The following C10orf67 variants were observed in gnomAD, a reference collection of about 807,000 sequenced individuals.
C10orf67 encodes uncharacterized protein C10orf67, mitochondrial.
In C10orf67, 60 loss-of-function variants were observed where a neutral mutation model predicts 35.6. The ratio of observed to expected loss-of-function variants is 1.68; its 90% CI spans 1.37 to 2.09. C10orf67 has a LOEUF of 2.09. Among genes scored for constraint, C10orf67 ranks in the 30% most tolerant of loss-of-function variants. The probability of loss-of-function intolerance (pLI) is 0.00; values close to 1 mark genes in which losing one functional copy is unlikely to be tolerated. For synonymous variants in C10orf67, 167 were observed against 115.8 expected, an observed-to-expected ratio of 1.44 and a Z score of -2.84; for missense variants, 474 against 330.2, an observed-to-expected ratio of 1.44 and a Z score of -3.38.
At chr10:23,228,410 C>T (rs1417335974) in intron 13 of C10orf67, among the ~76,000 whole-genome samples, 1 of 152,116 alleles carries the variant, frequency 6.6e-6, no homozygotes. Flanking sequence ...AAACTGGATC[C>T]CTTCCTTAAC....
intron 4 of C10orf67, among the ~76,000 whole-genome samples, chr10:23,305,932 C>A (rs77192694): frequency 0.022 from 3,352 of 152,032 alleles, 49 homozygotes; most frequent in Admixed American, 0.034. Flanking sequence ...CCTAAATATC[C>A]ATCAACAGAT....
At chr10:23,320,240 T>G (rs1297811468) in intron 4 of C10orf67, among the ~76,000 whole-genome samples, 1 of 152,138 alleles carries the variant, frequency 6.6e-6, no homozygotes, top group African/African-American at 2.4e-5. Context: ...AAATGCGAAG[T>G]GAGAATATAG....
intron 15 of C10orf67, 35 bp from the exon 16 acceptor site, chr10:23,204,290 T>C: frequency 1.7e-6 from 1 of 591,884 alleles, no homozygotes; most frequent in East Asian, 3.1e-5. Flanking sequence ...ACATAAACTT[T>C]GTTTTACTTA....
At position 23,202,799 on chromosome 10, in the gene C10orf67, T is replaced by C. The variant is rs1337089397; in HGVS notation, c.*1374A>G. 2.6e-5 allele frequency: 4 copies of C among 152,246 alleles called. No homozygotes were observed. The highest frequency in any genetic ancestry group is 9.6e-5 in the African/African-American group (4 of 41,462). 9.4% of individuals were successfully genotyped at this position (152,246 alleles called of 1,614,324 possible). A position where few individuals can be genotyped will look rare whatever the true frequency, so the allele number is the denominator to read the frequency against. Reference sequence around the variant, plus strand: ...AAAGTTCTGAAATGAAGCAGTTTGATATCACACCCAACCAGGAGGCTGCTT... The same window carrying C: ...AAAGTTCTGAAATGAAGCAGTTTGACATCACACCCAACCAGGAGGCTGCTT... On this transcript the variant is annotated 3_prime_UTR_variant, in exon 16 of 16. Coordinates refer to ENST00000636213, the MANE Select transcript of C10orf67 (RefSeq NM_001371909.1).
intron 15 of C10orf67, among the ~76,000 whole-genome samples, chr10:23,219,616 A>G (rs1841523026): frequency 1.3e-5 from 2 of 152,296 alleles, no homozygotes; most frequent in South Asian, 4.1e-4. Context: ...CCTTAGAGTA[A>G]CAAGGATTTA....
At chr10:23,310,876 A>G (rs1844470098) in intron 4 of C10orf67, among the ~76,000 whole-genome samples, 1 of 152,092 alleles carries the variant, frequency 6.6e-6, no homozygotes, top group East Asian at 1.9e-4. Flanking sequence ...TCTCTCTTAT[A>G]TTTCCTGGAG....
chr10:23,334,440 G>A (rs1845595611), intron 1 of C10orf67, among the ~76,000 whole-genome samples: 2 of 152,262 alleles, frequency 1.3e-5, no homozygotes, highest in Non-Finnish European at 2.9e-5. Flanking sequence ...ACTTCTCAGT[G>A]TAGGTGCCAA....
At chr10:23,273,148 C>T (rs1484966190) in intron 8 of C10orf67, among the ~76,000 whole-genome samples, 1 of 152,182 alleles carries the variant, frequency 6.6e-6, no homozygotes, top group Non-Finnish European at 1.5e-5. Flanking sequence ...CTACCTCTTC[C>T]TTCCCAATCT....
chr10:23,267,368 C>A, intron 8 of C10orf67, 114 bp from the exon 9 acceptor site: 2 of 534,212 alleles, frequency 3.7e-6, no homozygotes, highest in South Asian at 3.1e-5. Flanking sequence ...CATTTGTCTC[C>A]CAAAACGATT....
intron 10 of C10orf67, among the ~76,000 whole-genome samples, chr10:23,262,659 A>T (rs1842783561): frequency 6.6e-6 from 1 of 152,204 alleles, no homozygotes; most frequent in Non-Finnish European, 1.5e-5. Context: ...CCCCCTTTTC[A>T]GTTGGTTTTT....
intron 12 of C10orf67, among the ~76,000 whole-genome samples, chr10:23,249,645 C>A (rs947767115): frequency 6.6e-6 from 1 of 152,192 alleles, no homozygotes; most frequent in Non-Finnish European, 1.5e-5. Context: ...CAGACAAGAT[C>A]CATAGTGTGT....
At chr10:23,298,953 C>T (rs1316669271) in intron 5 of C10orf67, among the ~76,000 whole-genome samples, 1 of 152,118 alleles carries the variant, frequency 6.6e-6, no homozygotes, top group Admixed American at 6.5e-5. Flanking sequence ...ATTCCTGAAC[C>T]CTTGGGGTAA....
chr10:23,344,466 C>A lies in C10orf67; in HGVS notation c.206+103G>T, dbSNP rs953041000. 4 of 1,110,262 alleles carry A rather than the reference C, an allele frequency of 3.6e-6. No homozygotes were observed. The East Asian group carries it at 1.0e-4, about 29-fold the overall frequency. The allele number at this position is 1,110,262 out of a possible 1,614,324, so 68.8% of individuals were successfully genotyped here. ...CCACAGCCTGGAGGCTGCTGCGATA[C>A]CCCAGAGGAAAGCTGCACCCCCGTA... is the stretch of plus-strand genomic sequence containing the variant. On this transcript the variant is annotated intron_variant, in intron 1 of 15. Transcript: ENST00000636213.
intron 5 of C10orf67, among the ~76,000 whole-genome samples, chr10:23,302,396 G>A (rs1276081211): frequency 2.0e-5 from 3 of 152,066 alleles, no homozygotes; most frequent in African/African-American, 4.8e-5. Flanking sequence ...CATCTACTAC[G>A]TTTGCCCATG....
chr10:23,313,269 G>T (rs1350059373), intron 4 of C10orf67, among the ~76,000 whole-genome samples: 1 of 152,216 alleles, frequency 6.6e-6, no homozygotes, highest in African/African-American at 2.4e-5. Flanking sequence ...TACAAGGACT[G>T]GCTCTGGGCC....
rs535088130 is a variant in C10orf67, at chr10:23,224,258, G to A, written c.1435-440C>T. Among the ~76,000 whole-genome samples, 12 of 152,286 alleles carry A rather than the reference G, an allele frequency of 7.9e-5. No homozygotes were observed. The South Asian group carries it at 1.0e-3, about 13-fold the overall frequency. On this transcript the variant is annotated intron_variant, in intron 13 of 15. Transcript: ENST00000636213. ...TCTGCAGCCTCCGCTGCTGATACCC[G>A]GGTAAACAGGGTCTGAAGTAGACCT... is the stretch of plus-strand genomic sequence containing the variant.
intron 2 of C10orf67, among the ~76,000 whole-genome samples, chr10:23,325,745 A>T (rs1845170539): frequency 6.6e-6 from 1 of 151,920 alleles, no homozygotes; most frequent in Non-Finnish European, 1.5e-5. Flanking sequence ...ACCAATTCCA[A>T]TATTACCAAA....
chr10:23,269,810 G>A (rs1842970798), intron 8 of C10orf67, among the ~76,000 whole-genome samples: 1 of 151,938 alleles, frequency 6.6e-6, no homozygotes, highest in African/African-American at 2.4e-5. Flanking sequence ...ATGATAAAAA[G>A]ATCAGTTCAT....
chr10:23,232,668 C>T (rs185512042), intron 13 of C10orf67, among the ~76,000 whole-genome samples: 16 of 152,238 alleles, frequency 1.1e-4, no homozygotes, highest in Admixed American at 8.5e-4. Flanking sequence ...TACCTGAAAC[C>T]TCTTCAGGAA....
Sources: gnomAD v4.1 joint callset for allele counts (sites outside exome capture counted in the v4.1 genomes callset) on GRCh38, gnomAD v4.1.1 for gene constraint, MANE v1.5 for transcripts, NCBI Gene and HGNC (gene_info 2026-07-23, HGNC 2026-07-21) for gene names.